The following ROS1 variants were observed in gnomAD, a reference collection of about 807,000 sequenced individuals.
ROS1 encodes ROS proto-oncogene 1, receptor tyrosine kinase.
In ROS1, 263 loss-of-function variants were observed where a neutral mutation model predicts 273.5. The ratio of observed to expected loss-of-function variants is 0.96; its 90% confidence interval spans 0.87 to 1.06. ROS1 has a LOEUF of 1.06. ROS1 is among the 50% of genes least tolerant of loss of function. The probability of loss-of-function intolerance (pLI) is 0.00; values close to 1 mark genes in which losing one functional copy is unlikely to be tolerated. For missense variants in ROS1, 2,833 were observed against 2,751.1 expected, an observed-to-expected ratio of 1.03 and a Z score of -0.67; for synonymous variants, 1,008 against 954.1, an observed-to-expected ratio of 1.06 and a Z score of -1.04.
Position 117,310,988 on chromosome 6 carries a change from G to A in ROS1, c.6215+32C>T, listed in dbSNP as rs143093969. On this transcript the variant is annotated intron_variant, in intron 40 of 43. Transcript: ENST00000368507. ...ACAGGTGATTATTGTGCCAATATCCGTAATAACCCTGTATCCAGAAGAGAA... is the reference window on the plus strand; with the variant it reads ...ACAGGTGATTATTGTGCCAATATCCATAATAACCCTGTATCCAGAAGAGAA... 3,111 of 1,383,350 alleles carry A rather than the reference G, an allele frequency of 2.2e-3. 89 individuals are homozygous for A. The Admixed American group carries it at 0.048, about 21-fold the overall frequency. The allele number at this position is 1,383,350 out of a possible 1,614,324, so 85.7% of individuals were successfully genotyped here.
intron 43 of ROS1, among the ~76,000 whole-genome samples, chr6:117,293,755 G>A (rs960729244): frequency 6.6e-6 from 1 of 152,068 alleles, no homozygotes; most frequent in Non-Finnish European, 1.5e-5. Flanking sequence ...TTTTAAGAAG[G>A]TCATGATTGT....
At chr6:117,318,423 G>T (rs1372659486) in intron 37 of ROS1, among the ~76,000 whole-genome samples, 171 bp from the exon 38 acceptor site, 3 of 152,118 alleles carry the variant, frequency 2.0e-5, no homozygotes, top group Non-Finnish European at 4.4e-5. Context: ...GTTACCTCCT[G>T]TTATTGCTAG....
At chr6:117,373,365 G>T (rs555412969) in intron 18 of ROS1, among the ~76,000 whole-genome samples, 1 of 152,248 alleles carries the variant, frequency 6.6e-6, no homozygotes, top group African/African-American at 2.4e-5. Context: ...GGAGGCTCGG[G>T]CTGCGCGGAA....
Position 117,307,139 on chromosome 6 carries a change from G to T in ROS1, c.6551+1655C>A, listed in dbSNP as rs80159794. On this transcript the variant is annotated intron_variant, in intron 42 of 43. Coordinates refer to ENST00000368507, the MANE Select transcript of ROS1 (RefSeq NM_001378902.1). ...TCTAGTTGCATTTTTTATACCTTTA[G>T]ATAGAGCAAAGTTCAACTTGTCTAC... is the stretch of plus-strand genomic sequence containing the variant. Among the ~76,000 whole-genome samples, 294 of 152,074 alleles carry T rather than the reference G, an allele frequency of 1.9e-3. 5 individuals carry two copies. In the East Asian group the frequency reaches 0.038, roughly 20 times the overall value.
At chr6:117,294,595 T>A (rs1018692297) in intron 43 of ROS1, among the ~76,000 whole-genome samples, 2 of 152,098 alleles carry the variant, frequency 1.3e-5, no homozygotes, top group Non-Finnish European at 2.9e-5. Context: ...TGAGATTTGA[T>A]AAATAAATTC....
intron 35 of ROS1, among the ~76,000 whole-genome samples, chr6:117,321,867 T>C (rs1776315930): frequency 6.7e-6 from 1 of 149,204 alleles, no homozygotes; most frequent in Non-Finnish European, 1.5e-5. Context: ...ACAAGAGTGT[T>C]TATCATTGTT....
At chr6:117,404,462 C>CTCCT (rs770027306) in intron 5 of ROS1, 34 bp from the exon 6 acceptor site, 7 of 1,605,110 alleles carry the variant, frequency 4.4e-6, no homozygotes, top group Non-Finnish European at 6.0e-6. Flanking sequence ...TCACCACGCA[C>CTCCT]TCCTGTCCAT....
In ROS1 at chr6:117,409,597, C is replaced by T. The variant is rs2128735018; in HGVS notation, c.301G>A (p.Glu101Lys). The T allele has an allele frequency of 6.2e-7, 1 of 1,613,844 alleles. No homozygotes were observed. Among genetic ancestry groups the T allele is most frequent in the Non-Finnish European group, 8.5e-7 (1 of 1,179,786 alleles). Residue 101 changes from glutamate to lysine, a missense_variant, in exon 5 of 44, where the codon GAA (glutamate) becomes AAA (lysine). Transcript: ENST00000368507. ...GTCCTCTTACCCAGTACTTCCTCTTCATATGCACCTTCCGCGCTGCTACAG... is the reference window on the plus strand; with the variant it reads ...GTCCTCTTACCCAGTACTTCCTCTTTATATGCACCTTCCGCGCTGCTACAG... Reference protein sequence around the residue: ...VGCSSAEGAYEEEVLENADLP... With the variant: ...VGCSSAEGAYKEEVLENADLP...
rs139309520 is a variant in ROS1 at position 117,291,346 on chromosome 6, G to T, written c.6716-2544C>A. Among the ~76,000 whole-genome samples, 173 of 152,228 alleles carry T rather than the reference G, an allele frequency of 1.1e-3. 1 individual carries two copies. Among genetic ancestry groups the T allele is most frequent in the African/African-American group, 3.9e-3 (162 of 41,526 alleles). ...TCTCTATTGTTGGGAATATTACTTA[G>T]AATTTTAATTCTTTCTGCCAACAAC... On this transcript the variant is annotated intron_variant, in intron 43 of 43. Coordinates refer to ENST00000368507, the MANE Select transcript of ROS1 (RefSeq NM_001378902.1).
intron 43 of ROS1, among the ~76,000 whole-genome samples, chr6:117,294,243 A>G (rs771135834): frequency 2.0e-5 from 3 of 152,164 alleles, no homozygotes; most frequent in Non-Finnish European, 4.4e-5. Context: ...TCTAATAACT[A>G]GAACAAGACA....
At chr6:117,398,551 T>G (rs1773682284) in intron 7 of ROS1, among the ~76,000 whole-genome samples, 1 of 150,650 alleles carries the variant, frequency 6.6e-6, no homozygotes, top group Non-Finnish European at 1.5e-5. Flanking sequence ...TGGTGGCGCA[T>G]GCCTGTAATC....
chr6:117,374,504 A>C (rs1400888750), intron 18 of ROS1, among the ~76,000 whole-genome samples: 1 of 152,234 alleles, frequency 6.6e-6, no homozygotes, highest in African/African-American at 2.4e-5. Flanking sequence ...TAAATCTAAG[A>C]CCTAAAACCT....
chr6:117,416,096 T>C (rs1056429106), intron 3 of ROS1, among the ~76,000 whole-genome samples, 162 bp downstream of exon 3: 3 of 152,240 alleles, frequency 2.0e-5, no homozygotes, highest in Non-Finnish European at 4.4e-5. Flanking sequence ...TTTCCATTAC[T>C]ATGTATTATC....
intron 26 of ROS1, among the ~76,000 whole-genome samples, chr6:117,354,907 A>ATTGG (rs1779176784): frequency 5.9e-5 from 9 of 152,218 alleles, no homozygotes; most frequent in African/African-American, 2.4e-5. Context: ...CAAGAAACTG[A>ATTGG]GTGAGGAAGT....
chr6:117,371,579 G>T (rs1388515291), intron 18 of ROS1, among the ~76,000 whole-genome samples: 1 of 152,150 alleles, frequency 6.6e-6, no homozygotes, highest in Non-Finnish European at 1.5e-5. Flanking sequence ...GACAGAACCT[G>T]GGAAAGGGGG....
chr6:117,351,575 T>C (rs999292909), intron 27 of ROS1, among the ~76,000 whole-genome samples: 7 of 152,120 alleles, frequency 4.6e-5, no homozygotes, highest in African/African-American at 1.7e-4. Flanking sequence ...AATTCATCAA[T>C]TACAGTTTGG....
chr6:117,300,203 G>C (rs937968567), intron 43 of ROS1, among the ~76,000 whole-genome samples: 1 of 146,630 alleles, frequency 6.8e-6, no homozygotes, highest in Non-Finnish European at 1.5e-5. Context: ...CGCCCGCCTC[G>C]GCCTCCCAAA....
intron 12 of ROS1, 49 bp from the exon 13 acceptor site, chr6:117,389,895 T>G: frequency 6.6e-7 from 1 of 1,520,124 alleles, no homozygotes; most frequent in Non-Finnish European, 8.9e-7. Flanking sequence ...CAAAGGTTGA[T>G]GAGTAACCTC....
intron 33 of ROS1, among the ~76,000 whole-genome samples, chr6:117,328,087 C>A (rs1208406306): frequency 6.6e-6 from 1 of 152,160 alleles, no homozygotes; most frequent in East Asian, 1.9e-4. Context: ...TTTATTGTGG[C>A]AACCCTTGGA....
Sources: gnomAD v4.1 joint callset for allele counts (sites outside exome capture counted in the v4.1 genomes callset) on GRCh38, gnomAD v4.1.1 for gene constraint, MANE v1.5 for transcripts, NCBI Gene and HGNC (gene_info 2026-07-23, HGNC 2026-07-21) for gene names.